Variants in SBF2 observed in about 807,000 individuals in gnomAD.
SBF2 encodes myotubularin-related protein 13.
In SBF2, 112 loss-of-function variants were observed where a neutral mutation model predicts 225.2. The ratio of observed to expected loss-of-function variants is 0.50; its 90% CI spans 0.43 to 0.58. The LOEUF (loss-of-function observed/expected upper bound fraction) is 0.58, where lower values mean the gene tolerates loss of function less well. Ranked by LOEUF, SBF2 falls within the 20% of genes least tolerant of loss-of-function variation. SBF2 has a pLI of 0.00. For synonymous variants in SBF2, 763 were observed against 773.3 expected (o/e 0.99, Z 0.22); for missense variants, 1,996 against 2,206.2 (o/e 0.90, Z 1.91).
Position 9,858,342 on chromosome 11 carries a change from T to TG in SBF2, c.1983dup (p.Ile662HisfsTer41). On this transcript the variant is annotated frameshift_variant, in exon 18 of 40. Coordinates refer to ENST00000256190, the MANE Select transcript of SBF2 (RefSeq NM_030962.4). LOFTEE classifies it high-confidence loss of function. ...TCCCAAAATTGCTGATTTGTCCAAA[T>TG]GGGGTGGTCTTGTACACACGTGTAA... The TG allele has an allele frequency of 6.2e-7, 1 of 1,614,150 alleles. No individual in the cohort carries two copies. Among genetic ancestry groups the TG allele is most frequent in the Non-Finnish European group, 8.5e-7 (1 of 1,180,014 alleles).
chr11:10,004,585 AAAAAAAAAAAC>A (rs1315205777), intron 6 of SBF2, among the ~76,000 whole-genome samples: 5 of 148,694 alleles, frequency 3.4e-5, no homozygotes, highest in African/African-American at 2.4e-5. Flanking sequence ...AAAAAAAAAA[AAAAAAAAAAAC>A]AAACTACATA....
intron 1 of SBF2, among the ~76,000 whole-genome samples, chr11:10,285,730 T>C (rs2135571583): frequency 6.6e-6 from 1 of 152,352 alleles, no homozygotes; most frequent in Non-Finnish European, 1.5e-5. Context: ...TCCCACCCTG[T>C]GGAGTGTACT....
At chr11:10,036,670 AT>A (rs1949450635) in intron 3 of SBF2, among the ~76,000 whole-genome samples, 1 of 152,230 alleles carries the variant, frequency 6.6e-6, no homozygotes, top group South Asian at 2.1e-4. Context: ...CATTAAAGGC[AT>A]AAGTGGGATT....
chr11:10,164,945 C>G (rs1370547595), intron 2 of SBF2: 1 of 152,240 alleles, frequency 6.6e-6, no homozygotes, highest in Non-Finnish European at 1.5e-5. Context: ...AAATCCTCAT[C>G]TATTCCAAAC....
chr11:9,939,254 C>T lies in SBF2; in HGVS notation c.1860+22703G>A, dbSNP rs972948636. On this transcript the variant is annotated intron_variant, in intron 16 of 39. Coordinates refer to ENST00000256190, the MANE Select transcript of SBF2 (RefSeq NM_030962.4). ...GGGATTACAGGCACCTGCCACCACG[C>T]CCGGCTAATTTTTTTCTATTTTAAG... Among the ~76,000 whole-genome samples, 4 of 152,248 alleles carry T rather than the reference C, an allele frequency of 2.6e-5. No homozygotes were observed. The East Asian group carries it at 5.8e-4, about 22-fold the overall frequency.
In SBF2 at chr11:9,916,783, C is replaced by G. The variant is rs1045298990; in HGVS notation, c.1861-20772G>C. On this transcript the variant is annotated intron_variant, in intron 16 of 39. Coordinates refer to ENST00000256190, the MANE Select transcript of SBF2 (RefSeq NM_030962.4). ...AATTTTTTGTAGGGATGGGGTCTCACTACGTTGTTTAGGCTGGTCTTGAAA... is the reference window on the plus strand; with the variant it reads ...AATTTTTTGTAGGGATGGGGTCTCAGTACGTTGTTTAGGCTGGTCTTGAAA... Among the ~76,000 whole-genome samples, 6 of 151,894 alleles carry G rather than the reference C, an allele frequency of 4.0e-5. No individual in the cohort carries two copies. The South Asian group carries it at 1.0e-3, about 26-fold the overall frequency.
rs537639481 is a variant in SBF2 at position 10,110,072 on chromosome 11, G to A, written c.142-67091C>T. Among the ~76,000 whole-genome samples, 5 of 152,290 alleles carry A rather than the reference G, an allele frequency of 3.3e-5. No individual in the cohort carries two copies. The East Asian group carries it at 5.8e-4, about 18-fold the overall frequency. On this transcript the variant is annotated intron_variant, in intron 2 of 39. Transcript: ENST00000256190. ...CTCCATGGAGGAAATCCATGAACCA[G>A]ATGTGGATTTATTCGTCCAGATGTA...
At chr11:9,998,518 G>A in intron 8 of SBF2, 139 bp from the exon 9 acceptor site, 1 of 608,254 alleles carries the variant, frequency 1.6e-6, no homozygotes, top group Non-Finnish European at 2.9e-6. Context: ...GTAGAATTCT[G>A]GGCTAACAAG....
chr11:10,301,001 G>A (rs1964594552), intron 1 of SBF2, among the ~76,000 whole-genome samples: 1 of 152,040 alleles, frequency 6.6e-6, no homozygotes, highest in African/African-American at 2.4e-5. Flanking sequence ...AAGCTTCAGG[G>A]AGGTTTGCCT....
At chr11:9,975,668 G>T (rs1946647687) in intron 13 of SBF2, among the ~76,000 whole-genome samples, 1 of 152,146 alleles carries the variant, frequency 6.6e-6, no homozygotes, top group Non-Finnish European at 1.5e-5. Context: ...AGTGAACAAA[G>T]AAATCAGATA....
intron 19 of SBF2, among the ~76,000 whole-genome samples, 170 bp from the exon 20 acceptor site, chr11:9,853,882 T>C (rs959396525): frequency 3.3e-5 from 5 of 152,192 alleles, no homozygotes; most frequent in African/African-American, 1.2e-4. Flanking sequence ...TAAAACACAA[T>C]GTTCTACTAG....
chr11:10,041,399 A>G (rs967923677), intron 3 of SBF2, among the ~76,000 whole-genome samples: 2 of 152,154 alleles, frequency 1.3e-5, no homozygotes, highest in Non-Finnish European at 1.5e-5. Context: ...CTTCAAATAG[A>G]AGCAACAGGC....
At chr11:10,251,183 T>C (rs1039240191) in intron 1 of SBF2, among the ~76,000 whole-genome samples, 3 of 152,220 alleles carry the variant, frequency 2.0e-5, no homozygotes, top group Non-Finnish European at 4.4e-5. Context: ...GAAACCTTAA[T>C]GGTACATATG....
intron 2 of SBF2, among the ~76,000 whole-genome samples, chr11:10,069,845 C>T (rs909037032): frequency 4.6e-5 from 7 of 152,116 alleles, no homozygotes; most frequent in African/African-American, 9.7e-5. Flanking sequence ...TTTTAATGAT[C>T]GCCATTCTAA....
chr11:9,811,940 T>C (rs1028295738), intron 30 of SBF2, among the ~76,000 whole-genome samples: 11 of 152,114 alleles, frequency 7.2e-5, no homozygotes, highest in African/African-American at 2.6e-4. Flanking sequence ...ATATAAGAAA[T>C]AAAGGGGCTT....
chr11:10,185,670 T>C (rs1382189149), intron 2 of SBF2, among the ~76,000 whole-genome samples: 3 of 151,740 alleles, frequency 2.0e-5, no homozygotes, highest in African/African-American at 4.8e-5. Flanking sequence ...TAGTATCTTA[T>C]GGTGGCTTTA....
intron 29 of SBF2, among the ~76,000 whole-genome samples, chr11:9,813,149 G>GGTAACACACTGTTGGA (rs1446696165): frequency 6.6e-6 from 1 of 152,170 alleles, no homozygotes; most frequent in Non-Finnish European, 1.5e-5. Context: ...GTAAGGGATA[G>GGTAACACACTGTTGGA]GTAACACACT....
At chr11:10,033,429 T>G (rs1168646493) in intron 3 of SBF2, among the ~76,000 whole-genome samples, 1 of 152,116 alleles carries the variant, frequency 6.6e-6, no homozygotes, top group Admixed American at 6.5e-5. Context: ...AAGGAATAGT[T>G]ATTAACGAGA....
intron 1 of SBF2, among the ~76,000 whole-genome samples, chr11:10,212,704 T>C (rs1957979785): frequency 6.6e-6 from 1 of 152,212 alleles, no homozygotes; most frequent in South Asian, 2.1e-4. Flanking sequence ...AGGAACCCCT[T>C]AATCAATTTG....
Sources: gnomAD v4.1 joint callset for allele counts (sites outside exome capture counted in the v4.1 genomes callset) on GRCh38, gnomAD v4.1.1 for gene constraint, MANE v1.5 for transcripts, NCBI Gene and HGNC (gene_info 2026-07-23, HGNC 2026-07-21) for gene names.